ABCB7: variants seen among roughly 807,000 people sequenced by gnomAD.
ABCB7 encodes ATP binding cassette subfamily B member 7, also known as iron-sulfur clusters transporter ABCB7, mitochondrial.
ABCB7 carries 7 observed loss-of-function variants against 54.4 expected under a neutral mutation model. That is an observed-to-expected ratio of 0.13 (90% confidence interval 0.07 to 0.24). The LOEUF (loss-of-function observed/expected upper bound fraction) is 0.24, where lower values mean the gene tolerates loss of function less well. Ranked by LOEUF, ABCB7 falls within the 10% of genes least tolerant of loss-of-function variation. The pLI is 1.00. For synonymous variants in ABCB7, 218 were observed against 207.1 expected (o/e 1.05, Z -0.45); for missense variants, 356 against 570.4 (o/e 0.62, Z 3.83).
At chrX:75,117,117 C>T (rs1363053852) in intron 1 of ABCB7, among the ~76,000 whole-genome samples, 1 of 110,228 alleles carries the variant, frequency 9.1e-6, no homozygotes, top group African/African-American at 3.3e-5. Flanking sequence ...ACTTGCTTTC[C>T]CTTTTCTCTA....
chrX:75,093,375 G>A (rs915418791), intron 4 of ABCB7, among the ~76,000 whole-genome samples: 1 of 111,394 alleles, frequency 9.0e-6, no homozygotes, highest in African/African-American at 3.3e-5. Flanking sequence ...GGCAAAACTA[G>A]AGAGTTAGTA....
chrX:75,153,341 T>C (rs1272639167), intron 1 of ABCB7, among the ~76,000 whole-genome samples: 1 of 111,534 alleles, frequency 9.0e-6, no homozygotes, highest in Non-Finnish European at 1.9e-5. Flanking sequence ...GGGACGACTG[T>C]TGAATAATCA....
At chrX:75,150,687 T>C (rs759172713) in intron 1 of ABCB7, among the ~76,000 whole-genome samples, 6 of 111,602 alleles carry the variant, frequency 5.4e-5, no homozygotes, top group Non-Finnish European at 1.1e-4. Flanking sequence ...AAGAATCGTA[T>C]ACAGAATGGG....
At chrX:75,148,690 G>A (rs945695156) in intron 1 of ABCB7, among the ~76,000 whole-genome samples, 3 of 111,418 alleles carry the variant, frequency 2.7e-5, no homozygotes, top group African/African-American at 9.8e-5. Context: ...CACAAACAGT[G>A]GAAAAGACAG....
chrX:75,060,468 A>C (rs2081274254), intron 14 of ABCB7, 138 bp from the exon 15 acceptor site: 4 of 480,905 alleles, frequency 8.3e-6, no homozygotes, highest in Middle Eastern at 4.5e-4. Flanking sequence ...CTTTATACTG[A>C]TACCAAATAT....
At position 75,156,242 on chromosome X, in the gene ABCB7, A is replaced by G. The variant is rs914493590; in HGVS notation, c.31T>C (p.Trp11Arg). Reference protein sequence around the residue: MALLAMHSWRWAAAAAAFEKR... With the variant: MALLAMHSWRRAAAAAAFEKR... ...TCGAAAGCAGCCGCCGCGGCCGCCC[A>G]GCGCCAAGAATGCATCGCGAGCAGC... The change falls in exon 1 of 16, where the codon TGG becomes CGG. Residue 11 changes from tryptophan to arginine, a missense_variant. Physicochemically the swap from Trp to Arg is moderately radical, Grantham distance 101. Around this residue, in one of 2 missense-constraint regions of ABCB7, gnomAD observed 115 missense variants for 99.5 expected, o/e 1.16. Coordinates refer to ENST00000373394, the MANE Select transcript of ABCB7 (RefSeq NM_001271696.3). The G allele has an allele frequency of 2.5e-6, 3 of 1,205,875 alleles. No individual in the cohort carries two copies. The highest frequency in any genetic ancestry group is 2.2e-6 in the Non-Finnish European group (2 of 892,810).
rs2081663659 is a variant in ABCB7 at position 75,104,047 on chromosome X, G to GTTTTTTTGTTTTTTT, written c.334-4987_334-4986insAAAAAAACAAAAAAA. On this transcript the variant is annotated intron_variant, in intron 3 of 15. Coordinates refer to ENST00000373394, the MANE Select transcript of ABCB7 (RefSeq NM_001271696.3). ...AAATGGGCATCCCTGTCTTGTTACAGTTTTTTTTTTTTTTTTTTTTTTTTT... is the reference window on the plus strand; with the variant it reads ...AAATGGGCATCCCTGTCTTGTTACAGTTTTTTTGTTTTTTTTTTTTTTTTTTTTTTTTTTTTTTTT... 3.0e-3 allele frequency among the ~76,000 whole-genome samples: 40 copies of GTTTTTTTGTTTTTTT among 13,446 alleles called. 3 individuals are homozygous for GTTTTTTTGTTTTTTT. Among genetic ancestry groups the GTTTTTTTGTTTTTTT allele is most frequent in the African/African-American group, 5.1e-3 (32 of 6,281 alleles). The allele number at this position is 13,446 out of a possible 115,157, so 11.7% of individuals were successfully genotyped here.
chrX:75,070,605 G>A (rs1031064914), intron 9 of ABCB7, 83 bp from the exon 10 acceptor site: 7 of 953,790 alleles, frequency 7.3e-6, no homozygotes, highest in Admixed American at 6.8e-5. Flanking sequence ...AGTCTATTAC[G>A]ACGGAACAAA....
At chrX:75,062,108 C>T (rs1057070511) in intron 14 of ABCB7, among the ~76,000 whole-genome samples, 1 of 112,508 alleles carries the variant, frequency 8.9e-6, no homozygotes, top group African/African-American at 3.2e-5. Flanking sequence ...AAAGGAGACA[C>T]ATTTGCAAAT....
intron 1 of ABCB7, 35 bp from the exon 2 acceptor site, chrX:75,114,866 A>G: frequency 9.7e-7 from 1 of 1,033,165 alleles, no homozygotes. Flanking sequence ...GGGAAGTTTC[A>G]GAGTGGACAC....
At chrX:75,123,956 C>A (rs2081903554) in intron 1 of ABCB7, among the ~76,000 whole-genome samples, 1 of 112,041 alleles carries the variant, frequency 8.9e-6, no homozygotes, top group Admixed American at 9.5e-5. Context: ...ACAATGAAAT[C>A]TGAATTTCAT....
rs1269336199 is a variant in ABCB7, at chrX:75,097,022, T to C, written c.453+1920A>G. 4.5e-5 allele frequency among the ~76,000 whole-genome samples: 5 copies of C among 111,739 alleles called. No homozygotes were observed. In the Admixed American group the frequency reaches 4.7e-4, roughly 11 times the overall value. On this transcript the variant is annotated intron_variant, in intron 4 of 15. Coordinates refer to ENST00000373394, the MANE Select transcript of ABCB7 (RefSeq NM_001271696.3). ...TCCCTACTTTAGGTCTATCACCACT[T>C]GAATTCATCTTTTACACATGGCCAG...
chrX:75,134,947 G>C (rs953178692), intron 1 of ABCB7, among the ~76,000 whole-genome samples: 2 of 110,808 alleles, frequency 1.8e-5, no homozygotes, highest in Non-Finnish European at 3.8e-5. Flanking sequence ...TAACATCAAT[G>C]CTAGCAGAAG....
At chrX:75,152,070 T>C (rs2082135664) in intron 1 of ABCB7, among the ~76,000 whole-genome samples, 1 of 112,118 alleles carries the variant, frequency 8.9e-6, no homozygotes, top group African/African-American at 3.2e-5. Context: ...GTTTGGTATG[T>C]CTTGCTCTTT....
intron 1 of ABCB7, among the ~76,000 whole-genome samples, chrX:75,126,685 AG>A (rs745917891): frequency 5.7e-4 from 63 of 111,446 alleles, no homozygotes; most frequent in Non-Finnish European, 9.2e-4. Flanking sequence ...AAGAAAAGAG[AG>A]AAGAATTAAA....
Position 75,060,967 on chromosome X carries a change from A to C in ABCB7, c.1936-637T>G, listed in dbSNP as rs1343382626. ...AGCTATACTTGGAAACCTGGGTCTA[A>C]GTACAGCAAGCTAGATGGAAATAGC... On this transcript the variant is annotated intron_variant, in intron 14 of 15. Transcript: ENST00000373394. Among the ~76,000 whole-genome samples, 3 of 112,097 alleles carry C rather than the reference A, an allele frequency of 2.7e-5. No individual in the cohort carries two copies. The Admixed American group carries it at 2.8e-4, about 11-fold the overall frequency.
In ABCB7 at chrX:75,053,449, A is replaced by G; in HGVS notation, c.2180T>C (p.Ile727Thr). The G allele has an allele frequency of 2.5e-6, 3 of 1,210,928 alleles. No individual in the cohort carries two copies. Among genetic ancestry groups the G allele is most frequent in the East Asian group, 3.0e-5 (1 of 33,834 alleles). ...TTTCTTTCTTTCCTCCTCTTTGGAT[A>G]TATTTTCTTTCTTTGCTTCCCATTT... ...NPKWEAKKEN[I>T]SKEEERKKLQ... Residue 727 changes from isoleucine to threonine, a missense_variant, in exon 16 of 16, where the codon ATA becomes ACA. Around this residue, in one of 2 missense-constraint regions of ABCB7, gnomAD observed 241 missense variants for 470.9 expected, o/e 0.51. Coordinates refer to ENST00000373394, the MANE Select transcript of ABCB7 (RefSeq NM_001271696.3).
At chrX:75,081,924 A>G (rs920359724) in intron 4 of ABCB7, among the ~76,000 whole-genome samples, 1 of 107,863 alleles carries the variant, frequency 9.3e-6, no homozygotes, top group Non-Finnish European at 1.9e-5. Flanking sequence ...TAGACTAAAG[A>G]AAAAAAAAAG....
At chrX:75,124,490 T>C (rs2081907915) in intron 1 of ABCB7, among the ~76,000 whole-genome samples, 1 of 112,239 alleles carries the variant, frequency 8.9e-6, no homozygotes, top group Non-Finnish European at 1.9e-5. Context: ...AGCTAAGTGA[T>C]GTGAGATTCC....
Sources: allele counts gnomAD v4.1 joint callset (sites outside exome capture counted in the v4.1 genomes callset), GRCh38; gene constraint gnomAD v4.1.1; regional missense constraint gnomAD v4.1.1; transcripts MANE v1.5; gene names NCBI Gene and HGNC (gene_info 2026-07-23, HGNC 2026-07-21).